SCARB2: variants seen among roughly 807,000 people sequenced by gnomAD.
SCARB2 encodes the protein scavenger receptor class B member 2, also known as lysosome membrane protein 2.
SCARB2 carries 29 observed loss-of-function variants against 58.6 expected under a neutral mutation model. The observed-to-expected ratio is 0.49, with a 90% CI of 0.37 to 0.67. SCARB2 has a LOEUF of 0.67. Among genes scored for constraint, SCARB2 ranks in the 30% least tolerant of loss-of-function variants. The pLI is 0.00. For missense variants in SCARB2, 488 were observed against 578.5 expected (o/e 0.84, Z 1.60); for synonymous variants, 195 against 210.1 (o/e 0.93, Z 0.62).
Position 76,174,145 on chromosome 4 carries a change from A to C in SCARB2, c.993T>G (p.Asn331Lys). Reference protein sequence around the residue: ...SGVLNVSICKNGAPIIMSFPH... With the variant: ...SGVLNVSICKKGAPIIMSFPH... ...CATGTCCCCTCTCTGAGTTCTTACC[A>C]TTCTTGCAGATGCTGACATTCAGAA... The change falls in exon 7 of 12, where the codon AAT (asparagine) becomes AAG (lysine). Residue 331 changes from asparagine (N) to lysine (K), a missense_variant and splice_region_variant. Coordinates refer to ENST00000264896, the MANE Select transcript of SCARB2 (RefSeq NM_005506.4). The C allele has an allele frequency of 6.2e-7, 1 of 1,613,684 alleles. No individual in the cohort carries two copies. Among genetic ancestry groups the C allele is most frequent in the South Asian group, 1.1e-5 (1 of 91,056 alleles).
chr4:76,163,593 T>C, intron 10 of SCARB2: 1 of 601,304 alleles, frequency 1.7e-6, no homozygotes, highest in Non-Finnish European at 2.9e-6. Flanking sequence ...TTTTTTACTC[T>C]TAAAATAGAT....
chr4:76,174,268 C>T lies in SCARB2; in HGVS notation c.870G>A (p.Leu290=). 6.2e-7 allele frequency: 1 copy of T among 1,614,142 alleles called. No homozygotes were observed. The highest frequency in any genetic ancestry group is 8.5e-7 in the Non-Finnish European group (1 of 1,179,996). Reference sequence around the variant, plus strand: ...CAGGAACTTTATACCGAAAGGCAGGCAGTCCCTGTACACTCTCATAGTCAC... The same window carrying T: ...CAGGAACTTTATACCGAAAGGCAGGTAGTCCCTGTACACTCTCATAGTCAC... ...TFSDYESVQG[L]PAFRYKVPAE... The change falls in exon 7 of 12, where the codon CTG becomes CTA. Residue 290 remains leucine, a synonymous_variant. Transcript: ENST00000264896.
intron 2 of SCARB2, among the ~76,000 whole-genome samples, chr4:76,187,405 C>T (rs1480286844): frequency 6.6e-6 from 1 of 152,144 alleles, no homozygotes; most frequent in African/African-American, 2.4e-5. Context: ...ACACAACTGG[C>T]TGGCAAACAT....
rs1478686646 is a variant in SCARB2 at position 76,160,541 on chromosome 4, C to A, written c.*1172G>T. ...TTTGTGCAATATTTTAAACATCCATCATTCTGTCAGCAAAATGATTGTCAC... is the reference window on the plus strand; with the variant it reads ...TTTGTGCAATATTTTAAACATCCATAATTCTGTCAGCAAAATGATTGTCAC... On this transcript the variant is annotated 3_prime_UTR_variant, in exon 12 of 12. Transcript: ENST00000264896. The A allele has an allele frequency of 6.6e-6, 1 of 152,186 alleles. No individual in the cohort carries two copies. The highest frequency in any genetic ancestry group is 2.4e-5 in the African/African-American group (1 of 41,442). The allele number at this position is 152,186 out of a possible 1,614,324, so 9.4% of individuals were successfully genotyped here. A position where few individuals can be genotyped will look rare whatever the true frequency, so the allele number is the denominator to read the frequency against.
At chr4:76,166,917 C>CTTTT in intron 9 of SCARB2, 1 of 153,368 alleles carries the variant, frequency 6.5e-6, no homozygotes, top group Non-Finnish European at 1.5e-5. Context: ...AAAATGCATT[C>CTTTT]TTGTAAACCA....
intron 1 of SCARB2, among the ~76,000 whole-genome samples, chr4:76,227,862 G>C (rs1733425402): frequency 6.6e-6 from 1 of 152,050 alleles, no homozygotes; most frequent in Non-Finnish European, 1.5e-5. Flanking sequence ...GCTTGCTTTT[G>C]GTGTTCATTT....
At chr4:76,215,722 G>C (rs540313575), upstream of SCARB2, among the ~76,000 whole-genome samples, 1 of 152,012 alleles carries the variant, frequency 6.6e-6, no homozygotes, top group Non-Finnish European at 1.5e-5. Flanking sequence ...TCAGCTACCC[G>C]GAGACTGCTG....
chr4:76,181,170 T>C, intron 2 of SCARB2, 69 bp from the exon 3 acceptor site: 1 of 1,465,600 alleles, frequency 6.8e-7, no homozygotes, highest in Non-Finnish European at 9.5e-7. Flanking sequence ...TTCCTTTCTT[T>C]CAGCATCCAA....
intron 1 of SCARB2, among the ~76,000 whole-genome samples, chr4:76,233,692 G>C (rs1406910960): frequency 1.3e-5 from 2 of 152,058 alleles, no homozygotes; most frequent in Non-Finnish European, 2.9e-5. Context: ...AAGAGACAGG[G>C]CTAGGAAAAC....
intron 1 of SCARB2, among the ~76,000 whole-genome samples, chr4:76,212,067 C>T (rs1348101377): frequency 6.6e-6 from 1 of 152,152 alleles, no homozygotes; most frequent in Non-Finnish European, 1.5e-5. Flanking sequence ...TCCTATAGGG[C>T]TCCTTGAAAC....
At chr4:76,174,729 C>T (rs886171506) in intron 6 of SCARB2, 13 of 242,044 alleles carry the variant, frequency 5.4e-5, no homozygotes, top group Admixed American at 2.6e-4. Context: ...GCCGTGGCCT[C>T]GTAGGGTCTT....
At chr4:76,169,846 C>T in intron 8 of SCARB2, 21 bp downstream of exon 8, 1 of 1,542,388 alleles carries the variant, frequency 6.5e-7, no homozygotes, top group South Asian at 1.1e-5. Context: ...GCTCTTTTAC[C>T]AGGAGGAAGT....
rs962140432 is a variant in SCARB2, at chr4:76,175,998, T to C, written c.705-88A>G. ...TGGTCAGGACTTTGCAAGATTTAAC[T>C]GGAGCTGTCTATCCACAGTATCTTA... On this transcript the variant is annotated intron_variant, in intron 5 of 11. Coordinates refer to ENST00000264896, the MANE Select transcript of SCARB2 (RefSeq NM_005506.4). 4 of 1,459,576 alleles carry C rather than the reference T, an allele frequency of 2.7e-6. No individual in the cohort carries two copies. The African/African-American group carries it at 5.6e-5, about 20-fold the overall frequency. The allele number at this position is 1,459,576 out of a possible 1,614,324, so 90.4% of individuals were successfully genotyped here. A position where few individuals can be genotyped will look rare whatever the true frequency, so the allele number is the denominator to read the frequency against.
At chr4:76,191,548 C>T (rs1732605892) in intron 2 of SCARB2, among the ~76,000 whole-genome samples, 1 of 152,020 alleles carries the variant, frequency 6.6e-6, no homozygotes, top group African/African-American at 2.4e-5. Context: ...CATGCCTGCT[C>T]CCCCTCTCTT....
At chr4:76,205,911 C>T (rs539191502) in intron 1 of SCARB2, among the ~76,000 whole-genome samples, 1 of 152,264 alleles carries the variant, frequency 6.6e-6, no homozygotes, top group South Asian at 2.1e-4. Context: ...ACAACGGATA[C>T]CTTCACTGGG....
chr4:76,161,888 C>T (rs1359204061), intron 11 of SCARB2, 137 bp from the exon 12 acceptor site: 2 of 772,742 alleles, frequency 2.6e-6, no homozygotes, highest in Middle Eastern at 2.2e-4. Flanking sequence ...CTCACCTCCC[C>T]TCTTGGGCTG....
At chr4:76,163,880 C>T in intron 10 of SCARB2, 1 of 227,098 alleles carries the variant, frequency 4.4e-6, no homozygotes, top group South Asian at 6.6e-5. Context: ...CACCTCCACA[C>T]TGGGTATAGC....
rs80205017 is a variant in SCARB2 at position 76,219,105 on chromosome 4, C to T, written c.-358+15198G>A. 9.0e-3 allele frequency among the ~76,000 whole-genome samples: 1,367 copies of T among 152,234 alleles called. 23 individuals carry two copies. The highest frequency in any genetic ancestry group is 0.031 in the African/African-American group (1,273 of 41,520). ...ACCCCTTAGCCACTGCTTGGGACTT[C>T]TGGCCTCATGCTTATTAAGAGTAAA... On this transcript the variant is annotated intron_variant, in intron 1 of 11. Transcript: ENST00000638295.
chr4:76,211,054 A>G (rs1395296558), intron 1 of SCARB2, among the ~76,000 whole-genome samples: 2 of 152,218 alleles, frequency 1.3e-5, no homozygotes, highest in African/African-American at 4.8e-5. Context: ...TGACTGCCAC[A>G]TATTGATTAC....
Sources: gnomAD v4.1 joint callset for allele counts (sites outside exome capture counted in the v4.1 genomes callset) on GRCh38, gnomAD v4.1.1 for gene constraint, MANE v1.5 for transcripts, NCBI Gene and HGNC (gene_info 2026-07-23, HGNC 2026-07-21) for gene names.